Variants in TRMT11 observed in about 807,000 individuals in gnomAD.
The protein encoded by TRMT11 is tRNA methyltransferase 11.
Under a neutral mutation model 62.8 loss-of-function variants are expected in TRMT11, and 53 were observed. The observed-to-expected ratio is 0.84, with a 90% CI of 0.68 to 1.06. The LOEUF (loss-of-function observed/expected upper bound fraction) is 1.06, where lower values mean the gene tolerates loss of function less well. Among genes scored for constraint, TRMT11 ranks in the 50% least tolerant of loss-of-function variants. The pLI is 0.00. For synonymous variants in TRMT11, 188 were observed against 190.3 expected (o/e 0.99, Z 0.10); for missense variants, 556 against 553.4 (o/e 1.00, Z -0.05).
rs528399011 is a variant in TRMT11, at chr6:126,076,949, A to G, written c.*1437+23759A>G. 3.9e-5 allele frequency among the ~76,000 whole-genome samples: 6 copies of G among 152,310 alleles called. 1 individual carries two copies. The South Asian group carries it at 1.0e-3, about 26-fold the overall frequency. ...TGATCATCTCCACAAAAACCAGACTATTAGTCAATAGAAGGTTTTGCAAAT... is the reference window on the plus strand; with the variant it reads ...TGATCATCTCCACAAAAACCAGACTGTTAGTCAATAGAAGGTTTTGCAAAT... On this transcript the variant is annotated intron_variant and NMD_transcript_variant, in intron 17 of 22. Transcript: ENST00000648977.
chr6:126,004,417 C>T (rs991369145), intron 7 of TRMT11, among the ~76,000 whole-genome samples: 7 of 151,930 alleles, frequency 4.6e-5, no homozygotes, highest in Admixed American at 1.3e-4. Context: ...AATATATTTT[C>T]GTAATTTGTG....
At chr6:126,173,458 G>A (rs949330796), upstream of TRMT11, among the ~76,000 whole-genome samples, 2 of 152,078 alleles carry the variant, frequency 1.3e-5, no homozygotes, top group Non-Finnish European at 2.9e-5. Flanking sequence ...TTGGAAGGTC[G>A]CTGATCTTAG....
At chr6:126,218,286 G>A in the TRMT11 span, among the ~76,000 whole-genome samples, 3 of 152,178 alleles carry the variant, frequency 2.0e-5, no homozygotes, top group Non-Finnish European at 4.4e-5. Context: ...TCAAGCACAA[G>A]GAGTCTCTCC....
At position 126,148,192 on chromosome 6, in the gene TRMT11, A is replaced by G. The variant is rs372090702; in HGVS notation, c.*1824-26633A>G. Among the ~76,000 whole-genome samples, 18 of 152,300 alleles carry G rather than the reference A, an allele frequency of 1.2e-4. No individual in the cohort carries two copies. The East Asian group carries it at 1.9e-3, about 16-fold the overall frequency. ...GTTTACCTCTCAGTTAGTCTGGTCC[A>G]TGGCTGGAGCCTGGCTAGCCAGGCC... On this transcript the variant is annotated intron_variant and NMD_transcript_variant, in intron 21 of 22. Coordinates refer to the TRMT11 transcript ENST00000648977.
In TRMT11 at chr6:126,108,609, T is replaced by C. The variant is rs556689458; in HGVS notation, c.*1438-4257T>C. Among the ~76,000 whole-genome samples the C allele has an allele frequency of 1.2e-4, 19 of 152,318 alleles. No individual in the cohort carries two copies. In the East Asian group the frequency reaches 3.3e-3, roughly 26 times the overall value. ...AGAGCTGGAAATTGCACCCCAACAA[T>C]CCACTCTTCACTGAGCTGCACTCCT... On this transcript the variant is annotated intron_variant and NMD_transcript_variant, in intron 17 of 22. Coordinates refer to the TRMT11 transcript ENST00000648977.
the TRMT11 span, among the ~76,000 whole-genome samples, chr6:126,251,506 T>C: frequency 6.6e-6 from 1 of 152,202 alleles, no homozygotes; most frequent in African/African-American, 2.4e-5. Flanking sequence ...TTAATAATTT[T>C]GAAGTATACA....
intron 17 of TRMT11, among the ~76,000 whole-genome samples, chr6:126,063,602 C>T (rs958450668): frequency 4.6e-5 from 7 of 152,204 alleles, no homozygotes; most frequent in African/African-American, 1.7e-4. Context: ...GACGAATCCC[C>T]TGGGGATCTT....
intron 7 of TRMT11, among the ~76,000 whole-genome samples, chr6:126,002,600 G>C (rs554244038): frequency 6.6e-6 from 1 of 152,120 alleles, no homozygotes; most frequent in South Asian, 2.1e-4. Flanking sequence ...GGGTTCATTT[G>C]TTCCAGTTTG....
At chr6:126,006,085 G>A (rs1006706190) in intron 7 of TRMT11, among the ~76,000 whole-genome samples, 2 of 151,838 alleles carry the variant, frequency 1.3e-5, no homozygotes, top group African/African-American at 4.8e-5. Context: ...GTGAGATAAT[G>A]GATCTCTGTA....
chr6:126,155,198 C>T (rs1374000171), intron 21 of TRMT11, among the ~76,000 whole-genome samples: 1 of 152,166 alleles, frequency 6.6e-6, no homozygotes, highest in East Asian at 1.9e-4. Flanking sequence ...GAAGGGGGAG[C>T]AGGCATTTTA....
In TRMT11 at chr6:125,998,049, C is replaced by T. The variant is rs1397940791; in HGVS notation, c.213-4C>T. ...GAGGTTAGTACCAATCATTTATTTC[C>T]TAGGTCTATATTTGAACTATGGGGT... On this transcript the variant is annotated splice_region_variant and splice_polypyrimidine_tract_variant and intron_variant, in intron 3 of 12. Coordinates refer to ENST00000334379, the MANE Select transcript of TRMT11 (RefSeq NM_001031712.3). 6.2e-7 allele frequency: 1 copy of T among 1,603,396 alleles called. No homozygotes were observed.
chr6:126,091,004 C>T (rs941024379), intron 17 of TRMT11, among the ~76,000 whole-genome samples: 1 of 151,964 alleles, frequency 6.6e-6, no homozygotes, highest in Non-Finnish European at 1.5e-5. Flanking sequence ...TGAGGTCAGG[C>T]GTTCGAGACC....
intron 12 of TRMT11, among the ~76,000 whole-genome samples, chr6:126,037,458 A>T (rs1775398437): frequency 6.6e-6 from 1 of 152,076 alleles, no homozygotes; most frequent in South Asian, 2.1e-4. Context: ...TGGGGATTGT[A>T]TGTAGACTGA....
chr6:126,236,846 C>T, the TRMT11 span, among the ~76,000 whole-genome samples: 1 of 152,156 alleles, frequency 6.6e-6, no homozygotes, highest in African/African-American at 2.4e-5. Flanking sequence ...TTGGGATACC[C>T]ACTTTCCTAA....
chr6:126,178,249 C>T (rs1778412865), intron 1 of TRMT11, among the ~76,000 whole-genome samples: 1 of 152,202 alleles, frequency 6.6e-6, no homozygotes, highest in Non-Finnish European at 1.5e-5. Flanking sequence ...ATCACCTTCC[C>T]TTTTTGAGGT....
chr6:126,013,541 G>A (rs1484216024), intron 11 of TRMT11, among the ~76,000 whole-genome samples: 2 of 152,174 alleles, frequency 1.3e-5, no homozygotes, highest in Non-Finnish European at 2.9e-5. Flanking sequence ...GATTATAAGA[G>A]TGAGCCACTG....
chr6:126,171,280 C>T (rs1778327571), intron 21 of TRMT11, among the ~76,000 whole-genome samples: 1 of 151,242 alleles, frequency 6.6e-6, no homozygotes, highest in South Asian at 2.1e-4. Context: ...CTGATTAAGG[C>T]TTTTGCTGGC....
At chr6:126,014,197 G>T (rs964461644) in intron 11 of TRMT11, among the ~76,000 whole-genome samples, 5 of 152,042 alleles carry the variant, frequency 3.3e-5, no homozygotes, top group Non-Finnish European at 5.9e-5. Context: ...ATCTGACATA[G>T]ATATATTTTT....
downstream of TRMT11, among the ~76,000 whole-genome samples, chr6:126,206,979 C>T (rs1045674651): frequency 7.2e-5 from 11 of 152,194 alleles, no homozygotes; most frequent in Admixed American, 6.5e-4. Flanking sequence ...TTGAAGTCCT[C>T]ATGCCACATA....
Sources: allele counts gnomAD v4.1 joint callset (sites outside exome capture counted in the v4.1 genomes callset), GRCh38; gene constraint gnomAD v4.1.1; transcripts MANE v1.5; gene names NCBI Gene and HGNC (gene_info 2026-07-23, HGNC 2026-07-21).